PIP4P1: variants seen among roughly 807,000 people sequenced by gnomAD.
PIP4P1 encodes the protein phosphatidylinositol-4,5-bisphosphate 4-phosphatase 1.
PIP4P1 carries 14 observed loss-of-function variants against 32.3 expected under a neutral mutation model. The observed-to-expected ratio is 0.43, with a 90% confidence interval of 0.29 to 0.68. The LOEUF (loss-of-function observed/expected upper bound fraction) is 0.68. Ranked by LOEUF, PIP4P1 falls within the 30% of genes least tolerant of loss-of-function variation. The probability of loss-of-function intolerance (pLI) is 0.15; values close to 1 mark genes in which losing one functional copy is unlikely to be tolerated. For synonymous variants in PIP4P1, 132 were observed against 137.9 expected (o/e 0.96, Z 0.30); for missense variants, 289 against 364.5 (o/e 0.79, Z 1.69).
Position 20,458,539 on chromosome 14 carries a change from C to A in PIP4P1, c.*20G>T, listed in dbSNP as rs201571398. 8 of 1,611,146 alleles carry A rather than the reference C, an allele frequency of 5.0e-6. No individual in the cohort carries two copies. The South Asian group carries it at 6.6e-5, about 13-fold the overall frequency. On this transcript the variant is annotated 3_prime_UTR_variant, in exon 7 of 7. Transcript: ENST00000250489. ...GTCCCCACCAGGGAGGGGCCAGGCACAGTCTGTGGGTCATCAGGCTCAGGA... is the reference window on the plus strand; with the variant it reads ...GTCCCCACCAGGGAGGGGCCAGGCAAAGTCTGTGGGTCATCAGGCTCAGGA...
intron 4 of PIP4P1, 23 bp downstream of exon 4, chr14:20,459,605 C>T: frequency 6.2e-7 from 1 of 1,603,250 alleles, no homozygotes; most frequent in Non-Finnish European, 8.5e-7. Flanking sequence ...TTTCCCCTCC[C>T]CTTCCCAATA....
Position 20,460,807 on chromosome 14 carries a change from G to C in PIP4P1, c.181C>G (p.Pro61Ala), listed in dbSNP as rs1274889669. ...GAATAGGGGGGTGGGTCCTCCCCAGGCAACACGGCTGGATGCCCCTCGGGA... is the reference window on the plus strand; with the variant it reads ...GAATAGGGGGGTGGGTCCTCCCCAGCCAACACGGCTGGATGCCCCTCGGGA... ...PFPEGHPAVL[P>A]GEDPPPYSPL... The change falls in exon 2 of 7, where the codon CCT (proline) becomes GCT (alanine). Residue 61 changes from proline (P) to alanine (A), a missense_variant. Physicochemically the swap from Pro to Ala is conservative, Grantham distance 27. Around this residue, in one of 2 missense-constraint regions of PIP4P1, gnomAD observed 108 missense variants for 101.2 expected, o/e 1.07. Transcript: ENST00000250489. 1 of 1,581,146 alleles carries C rather than the reference G, an allele frequency of 6.3e-7. No individual in the cohort carries two copies.
At chr14:20,461,145 G>A in intron 1 of PIP4P1, 39 bp downstream of exon 1, 2 of 1,262,996 alleles carry the variant, frequency 1.6e-6, no homozygotes, top group African/African-American at 1.5e-5. Flanking sequence ...GGAGCACCTC[G>A]GACCCGCCCC....
intron 1 of PIP4P1, 51 bp downstream of exon 1, chr14:20,461,133 G>A (rs753285977): frequency 1.6e-6 from 2 of 1,267,854 alleles, no homozygotes; most frequent in Non-Finnish European, 2.0e-6. Context: ...AGAGTACCCC[G>A]GGGAGCACCT....
In PIP4P1 at chr14:20,461,264, C is replaced by T; in HGVS notation, c.62G>A (p.Gly21Asp). Residue 21 changes from glycine to aspartate, a missense_variant, in exon 1 of 7, where the codon GGC becomes GAC. This residue lies in a region of PIP4P1 where 108 missense variants were observed against 101.2 expected (regional missense o/e 1.07). Transcript: ENST00000250489. ...LSEPIDGGAG[G>D]NGLVGPGGSG... ...CCCGCCGGGCCCCACTAAACCGTTG[C>T]CGCCCGCGCCACCGTCGATGGGCTC... 1.6e-6 allele frequency: 2 copies of T among 1,281,386 alleles called. No individual in the cohort carries two copies. The allele number at this position is 1,281,386 out of a possible 1,614,324, so 79.4% of individuals were successfully genotyped here. A position where few individuals can be genotyped will look rare whatever the true frequency, so the allele number is the denominator to read the frequency against.
chr14:20,460,684 C>G lies in PIP4P1; in HGVS notation c.304G>C (p.Val102Leu), dbSNP rs1188472853. Residue 102 changes from valine (V) to leucine (L), a missense_variant, in exon 2 of 7, where the codon GTC (valine) becomes CTC (leucine). Around this residue, in one of 2 missense-constraint regions of PIP4P1, gnomAD observed 181 missense variants for 263.3 expected, o/e 0.69. Transcript: ENST00000250489. ...GCTTCATTGCAGACACCACATTTGA[C>G]TACATGCTGATGCATCTTGCCTTCC... ...NVEGKMHQHV[V>L]KCGVCNEATP... is the part of the protein sequence containing the mutation. The G allele has an allele frequency of 6.2e-7, 1 of 1,614,022 alleles. No individual in the cohort carries two copies. The highest frequency in any genetic ancestry group is 8.5e-7 in the Non-Finnish European group (1 of 1,180,010).
chr14:20,457,847 C>T lies in PIP4P1; in HGVS notation c.*712G>A, dbSNP rs1038177544. The T allele has an allele frequency of 2.6e-6, 1 of 388,968 alleles. No individual in the cohort carries two copies. The highest frequency in any genetic ancestry group is 4.8e-6 in the Non-Finnish European group (1 of 206,232). The allele number at this position is 388,968 out of a possible 1,614,324, so 24.1% of individuals were successfully genotyped here. ...TATTTTCATGCACACAAGTTAACAA[C>T]TGAAAAAGCGTAGAGTCATGACCTT... On this transcript the variant is annotated 3_prime_UTR_variant, in exon 7 of 7. Coordinates refer to ENST00000250489, the MANE Select transcript of PIP4P1 (RefSeq NM_144568.4).
In PIP4P1 at chr14:20,458,483, T is replaced by A; in HGVS notation, c.*76A>T. The A allele has an allele frequency of 6.2e-7, 1 of 1,600,022 alleles. No individual in the cohort carries two copies. The highest frequency in any genetic ancestry group is 8.5e-7 in the Non-Finnish European group (1 of 1,172,398). ...TCCTTCTAGAAGCCCCGGGAGCCTT[T>A]AACTACCCCAGCTCCCTTCGTAGTG... On this transcript the variant is annotated 3_prime_UTR_variant, in exon 7 of 7. Coordinates refer to ENST00000250489, the MANE Select transcript of PIP4P1 (RefSeq NM_144568.4).
chr14:20,459,521 T>TAGGGGA (rs1881618459), intron 4 of PIP4P1, 81 bp from the exon 5 acceptor site: 7 of 1,586,730 alleles, frequency 4.4e-6, no homozygotes, highest in Non-Finnish European at 4.3e-6. Context: ...GCAGAACATG[T>TAGGGGA]TCCCATAGGA....
chr14:20,459,647 T>C lies in PIP4P1; in HGVS notation c.527A>G (p.His176Arg). 3 of 1,614,056 alleles carry C rather than the reference T, an allele frequency of 1.9e-6. No individual in the cohort carries two copies. Among genetic ancestry groups the C allele is most frequent in the Non-Finnish European group, 2.5e-6 (3 of 1,179,948 alleles). ...CCTCACCAGAAAAGTATTCTTGCAA[T>C]GTCCACAGATAACCCTGACACCCAT... Reference protein sequence around the residue: ...QPMGVRVICGHCKNTFLWTEF... With the variant: ...QPMGVRVICGRCKNTFLWTEF... Residue 176 changes from histidine (H) to arginine (R), a missense_variant, in exon 4 of 7, where the codon CAT becomes CGT. By Grantham distance (29) the His-to-Arg change is conservative (BLOSUM62 0). Around this residue, in one of 2 missense-constraint regions of PIP4P1, gnomAD observed 181 missense variants for 263.3 expected, o/e 0.69. Coordinates refer to ENST00000250489, the MANE Select transcript of PIP4P1 (RefSeq NM_144568.4).
chr14:20,460,988 G>T, intron 1 of PIP4P1, 143 bp from the exon 2 acceptor site: 1 of 1,276,018 alleles, frequency 7.8e-7, no homozygotes, highest in South Asian at 1.8e-5. Flanking sequence ...AGGTTGCTCA[G>T]AACCCCCTTC....
In PIP4P1 at chr14:20,461,203, G is replaced by A. The variant is rs1881696803; in HGVS notation, c.123C>T (p.Ser41=). 1 of 1,256,074 alleles carries A rather than the reference G, an allele frequency of 8.0e-7. No homozygotes were observed. 77.8% of individuals were successfully genotyped at this position (1,256,074 alleles called of 1,614,324 possible). ...GTTTACCGGCTCCGTACGGTGGTGC[G>A]GAGGGGGTCAGGCCTCCCCCGGGCC... is the stretch of plus-strand genomic sequence containing the variant. ...GAGPGGGLTP[S]APPYGAAFPP... is the part of the protein sequence containing the mutation. The change falls in exon 1 of 7, where the codon TCC becomes TCT. Residue 41 remains serine (S), a synonymous_variant. Transcript: ENST00000250489.
intron 5 of PIP4P1, 35 bp downstream of exon 5, chr14:20,459,351 CAT>C: frequency 6.2e-7 from 1 of 1,614,174 alleles, no homozygotes; most frequent in Non-Finnish European, 8.5e-7. Flanking sequence ...GTTTTTACTC[CAT>C]ACATCAATTA....
Position 20,459,904 on chromosome 14 carries a change from GAGAA to G in PIP4P1, c.441-175_441-172del, listed in dbSNP as rs1270674308. On this transcript the variant is annotated intron_variant, in intron 3 of 6. Transcript: ENST00000250489. The stretch of plus-strand genomic sequence containing the variant: ...CAACTGTATACCCTCAAGAATCCTT[GAGAA>G]AGAAAGAGCACTGTTTAAACTTCAG... 3.3e-5 allele frequency: 21 copies of G among 629,452 alleles called. No individual in the cohort carries two copies. In the East Asian group the frequency reaches 4.6e-4, roughly 14 times the overall value. 39.0% of individuals were successfully genotyped at this position (629,452 alleles called of 1,614,324 possible).
Position 20,457,683 on chromosome 14 carries a change from TTTTG to T in PIP4P1, c.*872_*875del, listed in dbSNP as rs1228607447. Reference sequence around the variant, plus strand: ...GCCCAAGATTTTTTATTTGAGGGTTTTTTGTTTTTTAAAAAAAAATTGAACAAAG... The same window carrying T: ...GCCCAAGATTTTTTATTTGAGGGTTTTTTTTTAAAAAAAAATTGAACAAAG... On this transcript the variant is annotated 3_prime_UTR_variant, in exon 7 of 7. Transcript: ENST00000250489. 20 of 895,216 alleles carry T rather than the reference TTTTG, an allele frequency of 2.2e-5. No individual in the cohort carries two copies. Among genetic ancestry groups the T allele is most frequent in the African/African-American group, 3.4e-5 (2 of 58,968 alleles). The allele number at this position is 895,216 out of a possible 1,614,324, so 55.5% of individuals were successfully genotyped here.
At chr14:20,460,459 G>A in intron 2 of PIP4P1, 161 bp from the exon 3 acceptor site, 1 of 743,902 alleles carries the variant, frequency 1.3e-6, no homozygotes, top group Non-Finnish European at 2.2e-6. Context: ...ACTAGGCTAG[G>A]TGTAAAAGTG....
Position 20,458,215 on chromosome 14 carries a change from C to G in PIP4P1, c.*344G>C, listed in dbSNP as rs188047910. On this transcript the variant is annotated 3_prime_UTR_variant, in exon 7 of 7. Coordinates refer to ENST00000250489, the MANE Select transcript of PIP4P1 (RefSeq NM_144568.4). ...GGGAACCCCCAGGGCTACCCACCCC[C>G]ACCCTGCCCTGGAATGTGTAAGGGA... 2.5e-5 allele frequency: 12 copies of G among 471,280 alleles called. No homozygotes were observed. In the Admixed American group the frequency reaches 3.0e-4, roughly 12 times the overall value. 29.2% of individuals were successfully genotyped at this position (471,280 alleles called of 1,614,324 possible). A position where few individuals can be genotyped will look rare whatever the true frequency, so the allele number is the denominator to read the frequency against.
rs149484407 is a variant in PIP4P1 at position 20,458,615 on chromosome 14, G to A, written c.778C>T (p.Arg260Trp). ...VILLAVLCLG[R>W]ALYWACMKVS... ...TTCATACAGGCCCAATAAAGAGCCC[G>A]GCCCAAACACAGCACAGCCAACAGG... The change falls in exon 7 of 7, where the codon CGG (arginine) becomes TGG (tryptophan). Residue 260 changes from arginine to tryptophan, a missense_variant. By Grantham distance (101) the Arg-to-Trp change is moderately radical. Transcript: ENST00000250489. 3.0e-4 allele frequency: 478 copies of A among 1,614,018 alleles called. No individual in the cohort carries two copies. Among genetic ancestry groups the A allele is most frequent in the Non-Finnish European group, 3.9e-4 (462 of 1,180,032 alleles).
chr14:20,457,883 A>C lies in PIP4P1; in HGVS notation c.*676T>G, dbSNP rs960396429. 4 of 349,134 alleles carry C rather than the reference A, an allele frequency of 1.1e-5. No homozygotes were observed. Among genetic ancestry groups the C allele is most frequent in the Non-Finnish European group, 2.2e-5 (4 of 181,670 alleles). The allele number at this position is 349,134 out of a possible 1,614,324, so 21.6% of individuals were successfully genotyped here. A position where few individuals can be genotyped will look rare whatever the true frequency, so the allele number is the denominator to read the frequency against. On this transcript the variant is annotated 3_prime_UTR_variant, in exon 7 of 7. Transcript: ENST00000250489. The stretch of plus-strand genomic sequence containing the variant: ...TAGAGTCATGACCTTATTTATTTAC[A>C]AGCACAGGATAAGTCCCTAACCTCC...
Sources: gnomAD v4.1 joint callset for allele counts on GRCh38, gnomAD v4.1.1 for gene constraint, gnomAD v4.1.1 regional missense constraint, MANE v1.5 for transcripts, NCBI Gene and HGNC (gene_info 2026-07-23, HGNC 2026-07-21) for gene names.